The following OPHN1 variants were observed in gnomAD, a reference collection of about 807,000 sequenced individuals.
The protein encoded by OPHN1 is oligophrenin-1.
Under a neutral mutation model 60.7 loss-of-function variants are expected in OPHN1, and 11 were observed. The observed-to-expected ratio is 0.18, with a 90% CI of 0.11 to 0.30. The LOEUF (loss-of-function observed/expected upper bound fraction) is 0.30, where lower values mean the gene tolerates loss of function less well. OPHN1 is among the 10% of genes least tolerant of loss of function. OPHN1 has a pLI of 1.00. For missense variants in OPHN1, 449 were observed against 611.0 expected, an observed-to-expected ratio of 0.73 and a Z score of 2.80; for synonymous variants, 226 against 222.6, an observed-to-expected ratio of 1.02 and a Z score of -0.14.
chrX:68,185,007 A>T (rs2077456133), intron 15 of OPHN1, among the ~76,000 whole-genome samples: 1 of 112,208 alleles, frequency 8.9e-6, no homozygotes, highest in Non-Finnish European at 1.9e-5. Context: ...AAAAGAAGCT[A>T]CAATTTCCCT....
intron 5 of OPHN1, among the ~76,000 whole-genome samples, chrX:68,270,688 T>C (rs1208009955): frequency 9.2e-6 from 1 of 109,207 alleles, no homozygotes; most frequent in East Asian, 2.9e-4. Context: ...TGTATACATA[T>C]GTAACAAACC....
chrX:68,416,979 A>G (rs1012425185), intron 2 of OPHN1, among the ~76,000 whole-genome samples: 7 of 112,676 alleles, frequency 6.2e-5, no homozygotes, highest in Non-Finnish European at 1.3e-4. Flanking sequence ...TTACGAAAAG[A>G]GGAGGTGGAC....
intron 2 of OPHN1, among the ~76,000 whole-genome samples, chrX:68,369,130 C>T (rs1327354350): frequency 9.1e-6 from 1 of 109,689 alleles, no homozygotes; most frequent in Non-Finnish European, 1.9e-5. Context: ...ATCGCTTGAA[C>T]CCGGGAGGCA....
Position 68,173,662 on chromosome X carries a change from T to C in OPHN1, c.1276+19257A>G, listed in dbSNP as rs754268231. ...CCAGAGACAGACTGCAAGACCAAAT[T>C]AGAAAAAAAAAAATACAACCCTAAT... On this transcript the variant is annotated intron_variant, in intron 15 of 24. Coordinates refer to ENST00000355520, the MANE Select transcript of OPHN1 (RefSeq NM_002547.3). Among the ~76,000 whole-genome samples the C allele has an allele frequency of 5.6e-5, 6 of 107,178 alleles. No homozygotes were observed. The East Asian group carries it at 1.8e-3, about 31-fold the overall frequency. 93.1% of individuals were successfully genotyped at this position (107,178 alleles called of 115,157 possible). A position where few individuals can be genotyped will look rare whatever the true frequency, so the allele number is the denominator to read the frequency against.
intron 6 of OPHN1, among the ~76,000 whole-genome samples, chrX:68,230,098 G>A (rs1033163744): frequency 5.4e-5 from 6 of 111,957 alleles, no homozygotes; most frequent in African/African-American, 1.9e-4. Context: ...CAAAAAGTGG[G>A]CAAAGAATAT....
intron 3 of OPHN1, among the ~76,000 whole-genome samples, chrX:68,296,985 G>A (rs967682625): frequency 9.0e-6 from 1 of 110,690 alleles, no homozygotes; most frequent in African/African-American, 3.3e-5. Flanking sequence ...AGGTTCATGG[G>A]ATTAAGAGAA....
At chrX:68,428,480 T>C (rs893062074) in intron 2 of OPHN1, among the ~76,000 whole-genome samples, 1 of 111,445 alleles carries the variant, frequency 9.0e-6, no homozygotes, top group African/African-American at 3.3e-5. Context: ...CTACCTTATA[T>C]GACAATCATT....
intron 2 of OPHN1, among the ~76,000 whole-genome samples, chrX:68,407,032 G>A (rs1318868317): frequency 9.0e-6 from 1 of 111,498 alleles, no homozygotes; most frequent in Non-Finnish European, 1.9e-5. Flanking sequence ...GGTGAAACCC[G>A]GTCTCTACTA....
intron 15 of OPHN1, among the ~76,000 whole-genome samples, chrX:68,181,512 G>C (rs1028072557): frequency 9.9e-5 from 11 of 110,970 alleles, no homozygotes; most frequent in African/African-American, 3.0e-4. Flanking sequence ...GGCAACCCTA[G>C]GTTTTTCACC....
At chrX:68,277,458 A>C (rs939314413) in intron 4 of OPHN1, among the ~76,000 whole-genome samples, 10 of 112,102 alleles carry the variant, frequency 8.9e-5, no homozygotes, top group African/African-American at 3.2e-4. Flanking sequence ...GTTGTTATGA[A>C]GCAATAGATA....
At chrX:68,181,770 G>T (rs1236133337) in intron 15 of OPHN1, among the ~76,000 whole-genome samples, 1 of 112,037 alleles carries the variant, frequency 8.9e-6, no homozygotes, top group South Asian at 3.7e-4. Context: ...AGAGGTTGCA[G>T]TGAGCTAAGA....
intron 3 of OPHN1, 110 bp from the exon 4 acceptor site, chrX:68,283,227 C>A: frequency 1.7e-6 from 1 of 579,038 alleles, no homozygotes; most frequent in Non-Finnish European, 2.9e-6. Flanking sequence ...GCCCACATGG[C>A]CACTAGAGGA....
chrX:68,374,889 A>C (rs1270606542), intron 2 of OPHN1, among the ~76,000 whole-genome samples: 2 of 112,210 alleles, frequency 1.8e-5, no homozygotes, highest in African/African-American at 3.2e-5. Flanking sequence ...ATTAGTCATT[A>C]TGGAAAAGCA....
At chrX:68,310,285 C>A (rs753032255) in intron 2 of OPHN1, among the ~76,000 whole-genome samples, 1 of 111,743 alleles carries the variant, frequency 8.9e-6, no homozygotes, top group African/African-American at 3.2e-5. Context: ...TGTAGGAATA[C>A]ACTAGAGAGT....
intron 6 of OPHN1, among the ~76,000 whole-genome samples, chrX:68,223,587 C>T (rs765889610): frequency 1.0e-3 from 111 of 110,874 alleles, no homozygotes; most frequent in Middle Eastern, 4.6e-3. Flanking sequence ...ACCCATTGTT[C>T]GGTATAATGT....
chrX:68,104,737 G>A (rs1174836064), intron 18 of OPHN1, among the ~76,000 whole-genome samples: 5 of 111,834 alleles, frequency 4.5e-5, no homozygotes, highest in Admixed American at 3.8e-4. Flanking sequence ...TACCATTCAG[G>A]ACATAGGCAT....
In OPHN1 at chrX:68,073,217, G is replaced by A. The variant is rs770872865; in HGVS notation, c.1769C>T (p.Thr590Met). The change falls in exon 20 of 25, where the codon ACG (threonine) becomes ATG (methionine). Residue 590 changes from threonine (T) to methionine (M), a missense_variant. Around this residue, in one of 4 missense-constraint regions of OPHN1, gnomAD observed 166 missense variants for 278.4 expected, o/e 0.60. Transcript: ENST00000355520. ...RVTARRHKPI[T>M]ISKRLLRERT... Reference sequence around the variant, plus strand: ...TTCTCGCAGCAAGCGCTTTGAAATCGTGATTGGTTTGTGCCTTCTTGCTGT... The same window carrying A: ...TTCTCGCAGCAAGCGCTTTGAAATCATGATTGGTTTGTGCCTTCTTGCTGT... 2.5e-6 allele frequency: 3 copies of A among 1,210,331 alleles called. No individual in the cohort carries two copies. Among genetic ancestry groups the A allele is most frequent in the Non-Finnish European group, 3.4e-6 (3 of 895,168 alleles).
rs1302379722 is a variant in OPHN1 at position 68,274,764 on chromosome X, G to A, written c.358C>T (p.Arg120Trp). 5 of 1,203,366 alleles carry A rather than the reference G, an allele frequency of 4.2e-6. No individual in the cohort carries two copies. Among genetic ancestry groups the A allele is most frequent in the Non-Finnish European group, 5.6e-6 (5 of 890,163 alleles). ...DLLIKPLENFRKEQIGFTKER... is the reference protein window; with the variant it reads ...DLLIKPLENFWKEQIGFTKER... ...TTGGTGAAGCCTATTTGTTCCTTCC[G>A]GAAATTTTCCAAGGGTTTAATCAGC... The change falls in exon 5 of 25, where the codon CGG becomes TGG. Residue 120 changes from arginine (R) to tryptophan (W), a missense_variant. By Grantham distance (101) the Arg-to-Trp change is moderately radical. Transcript: ENST00000355520.
At chrX:68,149,277 A>G (rs770819184) in intron 15 of OPHN1, among the ~76,000 whole-genome samples, 2 of 111,792 alleles carry the variant, frequency 1.8e-5, no homozygotes, top group African/African-American at 6.5e-5. Context: ...AACAATTATC[A>G]CATCTTTGAG....
Sources: gnomAD v4.1 joint callset for allele counts (sites outside exome capture counted in the v4.1 genomes callset) on GRCh38, gnomAD v4.1.1 for gene constraint, gnomAD v4.1.1 regional missense constraint, MANE v1.5 for transcripts, NCBI Gene and HGNC (gene_info 2026-07-23, HGNC 2026-07-21) for gene names.